LAMB3: variants seen among roughly 807,000 people sequenced by gnomAD.
LAMB3 encodes laminin subunit beta-3.
A neutral mutation model predicts 140.3 loss-of-function variants in LAMB3; 104 were observed. That is an observed-to-expected ratio of 0.74 (90% CI 0.63 to 0.87). The LOEUF (loss-of-function observed/expected upper bound fraction) is 0.87, where lower values mean the gene tolerates loss of function less well. Among genes scored for constraint, LAMB3 ranks in the 40% least tolerant of loss-of-function variants. The probability of loss-of-function intolerance (pLI) is 0.00; values close to 1 mark genes in which losing one functional copy is unlikely to be tolerated. For missense variants in LAMB3, 1,531 were observed against 1,575.2 expected (o/e 0.97, Z 0.47); for synonymous variants, 592 against 602.9 (o/e 0.98, Z 0.26).
At chr1:209,633,373 T>A (rs1278206215) in intron 6 of LAMB3, among the ~76,000 whole-genome samples, 1 of 152,048 alleles carries the variant, frequency 6.6e-6, no homozygotes, top group Non-Finnish European at 1.5e-5. Context: ...AATATAAGTA[T>A]CCTAAGAATT....
At chr1:209,630,758 T>C in intron 8 of LAMB3, 23 bp from the exon 9 acceptor site, 1 of 1,612,590 alleles carries the variant, frequency 6.2e-7, no homozygotes, top group Non-Finnish European at 8.5e-7. Flanking sequence ...CCGTCAGCCA[T>C]CAGGAGTAAT....
At chr1:209,616,662 A>C in intron 21 of LAMB3, 38 bp from the exon 22 acceptor site, 1 of 1,608,598 alleles carries the variant, frequency 6.2e-7, no homozygotes, top group African/African-American at 1.3e-5. Context: ...CATTGTCATC[A>C]TGCAAGGTCC....
chr1:209,650,294 T>C (rs1416901364), intron 2 of LAMB3, among the ~76,000 whole-genome samples, 176 bp from the exon 3 acceptor site: 4 of 152,260 alleles, frequency 2.6e-5, no homozygotes, highest in Admixed American at 6.5e-5. Flanking sequence ...TTTTGAAAGT[T>C]GATTTCATAT....
intron 5 of LAMB3, among the ~76,000 whole-genome samples, chr1:209,635,990 T>C (rs1666882179): frequency 6.6e-6 from 1 of 152,182 alleles, no homozygotes; most frequent in Non-Finnish European, 1.5e-5. Flanking sequence ...GTGGGTTCCC[T>C]CTCATCTTTT....
intron 18 of LAMB3, 128 bp downstream of exon 18, chr1:209,622,408 G>A: frequency 2.7e-6 from 3 of 1,108,322 alleles, no homozygotes; most frequent in Non-Finnish European, 4.1e-6. Flanking sequence ...TGGTGCCAAG[G>A]AGAAGTGGAG....
Position 209,618,588 on chromosome 1 carries a change from A to C in LAMB3, c.2773T>G (p.Ser925Ala). The change falls in exon 19 of 23, where the codon TCA becomes GCA. Residue 925 changes from serine to alanine, a missense_variant. Physicochemically the swap from Ser to Ala is moderately conservative, Grantham distance 99. Coordinates refer to ENST00000356082, the MANE Select transcript of LAMB3 (RefSeq NM_000228.3). Reference protein sequence around the residue: ...AVLALWLPTDSATVLQKMNEI... With the variant: ...AVLALWLPTDAATVLQKMNEI... ...TTCATCTTCTGCAGAACAGTAGCTG[A>C]GTCTGTGGGCAGCCACAGGGCCAGC... 1 of 1,614,214 alleles carries C rather than the reference A, an allele frequency of 6.2e-7. No individual in the cohort carries two copies. The highest frequency in any genetic ancestry group is 8.5e-7 in the Non-Finnish European group (1 of 1,180,028).
Position 209,614,974 on chromosome 1 carries a change from C to G in LAMB3, c.*297G>C, listed in dbSNP as rs1049080448. The G allele has an allele frequency of 7.8e-6, 3 of 383,718 alleles. No homozygotes were observed. Among genetic ancestry groups the G allele is most frequent in the African/African-American group, 6.2e-5 (3 of 48,600 alleles). 23.8% of individuals were successfully genotyped at this position (383,718 alleles called of 1,614,324 possible). A position where few individuals can be genotyped will look rare whatever the true frequency, so the allele number is the denominator to read the frequency against. On this transcript the variant is annotated 3_prime_UTR_variant, in exon 23 of 23. Coordinates refer to ENST00000356082, the MANE Select transcript of LAMB3 (RefSeq NM_000228.3). ...TTTGTGCTTGGTCCAGGATTCCTCC[C>G]CAGTGGAGAACTAAAGGCGGGGGAT...
chr1:209,641,529 C>T (rs1489995227), intron 3 of LAMB3, among the ~76,000 whole-genome samples: 1 of 152,134 alleles, frequency 6.6e-6, no homozygotes, highest in African/African-American at 2.4e-5. Context: ...CACTTCCACT[C>T]GAAACTAGCT....
chr1:209,634,375 G>T (rs544059931), intron 6 of LAMB3, 72 bp downstream of exon 6: 1 of 1,475,530 alleles, frequency 6.8e-7, no homozygotes, highest in Non-Finnish European at 9.5e-7. Flanking sequence ...TCAGGAGTCC[G>T]TGTGGCTGTG....
At position 209,616,427 on chromosome 1, in the gene LAMB3, T is replaced by A. The variant is rs377209337; in HGVS notation, c.3382+44A>T. 76 of 1,611,562 alleles carry A rather than the reference T, an allele frequency of 4.7e-5. 1 individual carries two copies. The African/African-American group carries it at 7.7e-4, about 16-fold the overall frequency. ...AGCCTTGGGTTGGGTGGGACCAGCC[T>A]TCATGAATGCCCAATAGTCCATGCC... On this transcript the variant is annotated intron_variant, in intron 22 of 22. Transcript: ENST00000356082.
chr1:209,627,105 G>T (rs1242548325), intron 12 of LAMB3, 127 bp from the exon 13 acceptor site: 1 of 783,764 alleles, frequency 1.3e-6, no homozygotes, highest in East Asian at 2.7e-5. Context: ...CTCCAGAGCT[G>T]CTGTGCCCAC....
chr1:209,632,647 T>A lies in LAMB3; in HGVS notation c.758A>T (p.His253Leu). 1.9e-6 allele frequency: 3 copies of A among 1,614,058 alleles called. No homozygotes were observed. The highest frequency in any genetic ancestry group is 2.5e-6 in the Non-Finnish European group (3 of 1,179,982). Reference sequence around the variant, plus strand: ...GGGTGCGCAGCGATCAGCATGGCCGTGACAGAAGCAGCTCCCCTGCAGACG... The same window carrying A: ...GGGTGCGCAGCGATCAGCATGGCCGAGACAGAAGCAGCTCCCCTGCAGACG... Reference protein sequence around the residue: ...QLRLQGSCFCHGHADRCAPKP... With the variant: ...QLRLQGSCFCLGHADRCAPKP... The change falls in exon 8 of 23, where the codon CAC (histidine) becomes CTC (leucine). Residue 253 changes from histidine to leucine, a missense_variant. Physicochemically the swap from His to Leu is moderately conservative, Grantham distance 99. Transcript: ENST00000356082.
intron 3 of LAMB3, among the ~76,000 whole-genome samples, chr1:209,640,463 G>A (rs1024937849): frequency 2.4e-4 from 36 of 151,954 alleles, no homozygotes; most frequent in Middle Eastern, 3.4e-3. Context: ...CAAGAGAATC[G>A]CTTGAACTTG....
intron 3 of LAMB3, among the ~76,000 whole-genome samples, chr1:209,641,712 TTA>T (rs1171803397): frequency 6.6e-6 from 1 of 152,176 alleles, no homozygotes; most frequent in East Asian, 1.9e-4. Context: ...CTCAGCTCAG[TTA>T]CCACAGAAAC....
At chr1:209,620,248 C>A (rs1351659330) in intron 18 of LAMB3, among the ~76,000 whole-genome samples, 3 of 152,166 alleles carry the variant, frequency 2.0e-5, no homozygotes, top group Non-Finnish European at 4.4e-5. Context: ...TCAGTCCCTG[C>A]CTTTATGGAG....
chr1:209,637,871 C>T (rs1196823807), intron 5 of LAMB3, 37 bp downstream of exon 5: 1 of 1,554,334 alleles, frequency 6.4e-7, no homozygotes. Flanking sequence ...GGCCCAGGAG[C>T]CCCTCTCCTA....
chr1:209,640,877 C>T (rs557433868), intron 3 of LAMB3, among the ~76,000 whole-genome samples: 21 of 151,950 alleles, frequency 1.4e-4, no homozygotes, highest in African/African-American at 3.4e-4. Flanking sequence ...GTCAGGAGAT[C>T]GAGACCATCC....
intron 17 of LAMB3, 72 bp downstream of exon 17, chr1:209,622,910 T>C: frequency 6.4e-7 from 1 of 1,558,394 alleles, no homozygotes. Context: ...AAATGGGAAC[T>C]CTGACTTGCC....
At position 209,615,255 on chromosome 1, in the gene LAMB3, G is replaced by T. The variant is rs1421842573; in HGVS notation, c.*16C>A. 9 of 1,613,874 alleles carry T rather than the reference G, an allele frequency of 5.6e-6. No individual in the cohort carries two copies. Among genetic ancestry groups the T allele is most frequent in the African/African-American group, 1.3e-5 (1 of 74,934 alleles). ...AGGCGGCAGATGAGTGGGGCAACGG[G>T]CTGGAAGCTGTAGCATCACTTGCAG... On this transcript the variant is annotated 3_prime_UTR_variant, in exon 23 of 23. Coordinates refer to ENST00000356082, the MANE Select transcript of LAMB3 (RefSeq NM_000228.3).
Sources: allele counts gnomAD v4.1 joint callset (sites outside exome capture counted in the v4.1 genomes callset), GRCh38; gene constraint gnomAD v4.1.1; transcripts MANE v1.5; gene names NCBI Gene and HGNC (gene_info 2026-07-23, HGNC 2026-07-21).